Variants in CYP2C19 observed in about 807,000 individuals in gnomAD.
CYP2C19 encodes cytochrome P450 family 2 subfamily C member 19.
In CYP2C19, 59 loss-of-function variants were observed where a neutral mutation model predicts 40.9. The observed-to-expected ratio is 1.44, with a 90% CI of 1.17 to 1.79. CYP2C19 has a LOEUF of 1.79. Ranked by LOEUF, CYP2C19 falls within the 40% of genes most tolerant of loss-of-function variation. The pLI is 0.00. For missense variants in CYP2C19, 754 were observed against 596.9 expected (o/e 1.26, Z -2.74); for synonymous variants, 253 against 208.7 (o/e 1.21, Z -1.83).
In CYP2C19 at chr10:94,843,644, C is replaced by T. The variant is rs181134283; in HGVS notation, c.1149+620C>T. ...TCAACTTTGCTAAATTTACTAATCA[C>T]TATTCATAATTTATCTCTAGATTCA... On this transcript the variant is annotated intron_variant, in intron 7 of 8. Coordinates refer to ENST00000371321, the MANE Select transcript of CYP2C19 (RefSeq NM_000769.4). 2.1e-4 allele frequency among the ~76,000 whole-genome samples: 32 copies of T among 152,330 alleles called. No homozygotes were observed. In the East Asian group the frequency reaches 6.0e-3, roughly 28 times the overall value.
At chr10:94,822,105 T>G (rs533198921) in intron 6 of CYP2C19, among the ~76,000 whole-genome samples, 112 of 152,310 alleles carry the variant, frequency 7.4e-4, no homozygotes, top group African/African-American at 2.5e-3. Context: ...TCTATAGTGC[T>G]GCAAAAGACA....
At chr10:94,765,141 G>A (rs1401731894) in intron 1 of CYP2C19, among the ~76,000 whole-genome samples, 1 of 152,136 alleles carries the variant, frequency 6.6e-6, no homozygotes, top group Non-Finnish European at 1.5e-5. Flanking sequence ...GAAATTCTTT[G>A]AGAGTGTGTG....
chr10:94,844,560 T>TA (rs1344019145), intron 7 of CYP2C19, among the ~76,000 whole-genome samples: 1 of 152,144 alleles, frequency 6.6e-6, no homozygotes, highest in Non-Finnish European at 1.5e-5. Context: ...ATATTATTAG[T>TA]AAAATTAAAA....
intron 5 of CYP2C19, among the ~76,000 whole-genome samples, chr10:94,814,472 G>T (rs1769683972): frequency 6.6e-6 from 1 of 151,208 alleles, no homozygotes; most frequent in African/African-American, 2.4e-5. Flanking sequence ...ACTTTTATCT[G>T]AAGTTGAGTG....
chr10:94,803,983 T>TTA (rs1483801078), intron 5 of CYP2C19, among the ~76,000 whole-genome samples: 105 of 151,848 alleles, frequency 6.9e-4, no homozygotes, highest in African/African-American at 2.2e-3. Context: ...CTGATCCAGG[T>TTA]GAGAAATGCT....
At chr10:94,834,139 C>G (rs1849367202) in intron 6 of CYP2C19, among the ~76,000 whole-genome samples, 1 of 152,022 alleles carries the variant, frequency 6.6e-6, no homozygotes, top group Non-Finnish European at 1.5e-5. Context: ...TTGGGGTTTT[C>G]CTTATTGGGA....
intron 6 of CYP2C19, 137 bp downstream of exon 6, chr10:94,820,774 T>C (rs1849107081): frequency 3.6e-6 from 4 of 1,117,988 alleles, no homozygotes; most frequent in Non-Finnish European, 5.2e-6. Flanking sequence ...CTGTCCCAAT[T>C]TAATGGTGTG....
intron 5 of CYP2C19, among the ~76,000 whole-genome samples, chr10:94,807,071 A>G (rs1455066706): frequency 1.3e-5 from 2 of 152,084 alleles, no homozygotes; most frequent in African/African-American, 4.8e-5. Context: ...TCTACTAGCT[A>G]CCATTCTGTT....
chr10:94,831,420 T>A (rs1350680409), intron 6 of CYP2C19, among the ~76,000 whole-genome samples: 1 of 152,226 alleles, frequency 6.6e-6, no homozygotes, highest in Admixed American at 6.5e-5. Flanking sequence ...GGTAGTTTTA[T>A]TTTTAGTTTT....
chr10:94,776,235 A>G (rs1848407084), intron 3 of CYP2C19: 1 of 152,196 alleles, frequency 6.6e-6, no homozygotes, highest in Non-Finnish European at 1.5e-5. Context: ...ATGTCTATTT[A>G]TAAAATAATT....
intron 1 of CYP2C19, among the ~76,000 whole-genome samples, chr10:94,772,264 T>C (rs1848343544): frequency 6.6e-6 from 1 of 152,166 alleles, no homozygotes; most frequent in Non-Finnish European, 1.5e-5. Flanking sequence ...GGAGGGATTC[T>C]AAAATTCCAG....
At chr10:94,822,233 A>T (rs1306963772) in intron 6 of CYP2C19, among the ~76,000 whole-genome samples, 1 of 152,154 alleles carries the variant, frequency 6.6e-6, no homozygotes, top group Non-Finnish European at 1.5e-5. Flanking sequence ...AAGAGGTTTA[A>T]TGGACTGTCA....
At chr10:94,830,697 T>C (rs1849320068) in intron 6 of CYP2C19, among the ~76,000 whole-genome samples, 1 of 152,214 alleles carries the variant, frequency 6.6e-6, no homozygotes, top group Admixed American at 6.5e-5. Flanking sequence ...TCATTATTTT[T>C]ATTTATATTA....
At chr10:94,850,114 A>T in intron 8 of CYP2C19, 56 bp downstream of exon 8, 1 of 1,597,134 alleles carries the variant, frequency 6.3e-7, no homozygotes. Context: ...TTTTTTGATC[A>T]GTTGGAACTT....
intron 5 of CYP2C19, among the ~76,000 whole-genome samples, chr10:94,812,079 A>G (rs1209924915): frequency 6.6e-6 from 1 of 152,210 alleles, no homozygotes; most frequent in Non-Finnish European, 1.5e-5. Flanking sequence ...GGTGATGACA[A>G]AATCCCTCAG....
At position 94,855,287 on chromosome 10, in the gene CYP2C19, G is replaced by T. The variant is rs1564688279; in HGVS notation, c.*2373G>T. ...TACCCATTTGAACAACCAAACAATT[G>T]CACTGATGATCTGTTAAGCATCTTG... On this transcript the variant is annotated 3_prime_UTR_variant, in exon 9 of 9. Transcript: ENST00000371321. Among the ~76,000 whole-genome samples, 1 of 152,100 alleles carries T rather than the reference G, an allele frequency of 6.6e-6. No individual in the cohort carries two copies. Among genetic ancestry groups the T allele is most frequent in the Non-Finnish European group, 1.5e-5 (1 of 68,020 alleles).
At position 94,854,540 on chromosome 10, in the gene CYP2C19, A is replaced by G. The variant is rs1013064723; in HGVS notation, c.*1626A>G. 2.6e-5 allele frequency among the ~76,000 whole-genome samples: 4 copies of G among 151,890 alleles called. No individual in the cohort carries two copies. The highest frequency in any genetic ancestry group is 9.7e-5 in the African/African-American group (4 of 41,358). On this transcript the variant is annotated 3_prime_UTR_variant, in exon 9 of 9. Coordinates refer to ENST00000371321, the MANE Select transcript of CYP2C19 (RefSeq NM_000769.4). ...AATGTAAGAAATAAGAAGTAACATA[A>G]TTGATTATGCTTTTCACAGCTCATC... is the stretch of plus-strand genomic sequence containing the variant.
At chr10:94,787,504 G>T (rs1589352143) in intron 5 of CYP2C19, among the ~76,000 whole-genome samples, 1 of 151,990 alleles carries the variant, frequency 6.6e-6, no homozygotes, top group South Asian at 2.1e-4. Flanking sequence ...CTTTAATTAG[G>T]TCCCACTTGT....
At chr10:94,772,250 C>G (rs1848343388) in intron 1 of CYP2C19, among the ~76,000 whole-genome samples, 1 of 152,122 alleles carries the variant, frequency 6.6e-6, no homozygotes, top group South Asian at 2.1e-4. Flanking sequence ...GCCTGCTTGT[C>G]TGAGGAGGGA....
Sources: allele counts gnomAD v4.1 joint callset (sites outside exome capture counted in the v4.1 genomes callset), GRCh38; gene constraint gnomAD v4.1.1; transcripts MANE v1.5; gene names NCBI Gene and HGNC (gene_info 2026-07-23, HGNC 2026-07-21).